The following HDX variants were observed in gnomAD, a reference collection of about 807,000 sequenced individuals.
HDX encodes chromosome X open reading frame 43.
A neutral mutation model predicts 45.2 loss-of-function variants in HDX; 19 were observed. The ratio of observed to expected loss-of-function variants is 0.42; its 90% CI spans 0.29 to 0.62. HDX has a LOEUF of 0.62. HDX is among the 20% of genes least tolerant of loss of function. The probability of loss-of-function intolerance (pLI) is 0.20; values close to 1 mark genes in which losing one functional copy is unlikely to be tolerated. For synonymous variants in HDX, 188 were observed against 172.8 expected (o/e 1.09, Z -0.69); for missense variants, 532 against 493.9 (o/e 1.08, Z -0.73).
chrX:84,344,045 ATTATTATTG>A (rs756531098), intron 7 of HDX, among the ~76,000 whole-genome samples, 196 bp downstream of exon 7: 15 of 111,497 alleles, frequency 1.3e-4, no homozygotes, highest in Non-Finnish European at 2.8e-4. Flanking sequence ...AATGTAGGAG[ATTATTATTG>A]TTGTTGATGA....
At chrX:84,459,679 A>G (rs187914261) in intron 4 of HDX, among the ~76,000 whole-genome samples, 2 of 111,091 alleles carry the variant, frequency 1.8e-5, no homozygotes, top group Non-Finnish European at 3.8e-5. Context: ...TATTAGAAAA[A>G]AAAAATAAAA....
intron 5 of HDX, among the ~76,000 whole-genome samples, chrX:84,426,049 G>A (rs2039376882): frequency 9.0e-6 from 1 of 110,777 alleles, no homozygotes; most frequent in African/African-American, 3.3e-5. Context: ...AGCATTGCAT[G>A]CCTGTATCAA....
intron 5 of HDX, among the ~76,000 whole-genome samples, chrX:84,412,368 TC>T (rs775349757): frequency 1.8e-4 from 20 of 111,775 alleles, no homozygotes; most frequent in Admixed American, 1.4e-3. Context: ...AAAAAAAAAT[TC>T]TGTATCATTT....
At chrX:84,384,057 A>G (rs2038251775) in intron 5 of HDX, among the ~76,000 whole-genome samples, 1 of 111,389 alleles carries the variant, frequency 9.0e-6, no homozygotes, top group South Asian at 3.8e-4. Flanking sequence ...TCCTTTGGGT[A>G]TATAACCCAT....
intron 5 of HDX, among the ~76,000 whole-genome samples, chrX:84,388,249 A>G: frequency 9.2e-6 from 1 of 108,910 alleles, no homozygotes; most frequent in South Asian, 4.0e-4. Flanking sequence ...TTAATTTTGC[A>G]TTGACCTTGG....
At chrX:84,485,612 G>A (rs1303773277) in intron 2 of HDX, among the ~76,000 whole-genome samples, 1 of 111,511 alleles carries the variant, frequency 9.0e-6, no homozygotes, top group Non-Finnish European at 1.9e-5. Context: ...TGGCCAGGCT[G>A]GTCTTGAACT....
rs779701112 is a variant in HDX at position 84,427,062 on chromosome X, C to T, written c.1305+13470G>A. ...TTATAATTTTTAAGATAGTAGCTTT[C>T]GTGTTGTGTTCTTACCAGAATTTAT... On this transcript the variant is annotated intron_variant, in intron 5 of 10. Coordinates refer to ENST00000373177, the MANE Select transcript of HDX (RefSeq NM_001177479.2). Among the ~76,000 whole-genome samples, 3 of 110,621 alleles carry T rather than the reference C, an allele frequency of 2.7e-5. No homozygotes were observed. The South Asian group carries it at 1.1e-3, about 42-fold the overall frequency.
rs1398151973 is a variant in HDX at position 84,400,235 on chromosome X, G to A, written c.1306-38623C>T. On this transcript the variant is annotated intron_variant, in intron 5 of 10. Transcript: ENST00000373177. ...CAATCAAGCAAGAGAAAAAAATAAA[G>A]GGCATTCAAATAGAAAGGAAGTCAA... Among the ~76,000 whole-genome samples, 7 of 109,671 alleles carry A rather than the reference G, an allele frequency of 6.4e-5. No individual in the cohort carries two copies. The Admixed American group carries it at 6.9e-4, about 11-fold the overall frequency.
chrX:84,428,154 A>G (rs1168158413), intron 5 of HDX, among the ~76,000 whole-genome samples: 2 of 109,720 alleles, frequency 1.8e-5, no homozygotes, highest in Non-Finnish European at 3.8e-5. Flanking sequence ...AGTTTTGAGT[A>G]TTCTTTGTAT....
intron 5 of HDX, among the ~76,000 whole-genome samples, chrX:84,374,544 A>G (rs1300720986): frequency 2.0e-5 from 2 of 97,986 alleles, no homozygotes; most frequent in African/African-American, 7.9e-5. Flanking sequence ...ACAGCATGGG[A>G]CTGGTACCAA....
intron 5 of HDX, among the ~76,000 whole-genome samples, chrX:84,405,003 G>A (rs1181186182): frequency 9.0e-6 from 1 of 110,748 alleles, no homozygotes; most frequent in African/African-American, 3.3e-5. Flanking sequence ...TCATTGAGTT[G>A]AAATTTTACC....
intron 4 of HDX, among the ~76,000 whole-genome samples, chrX:84,455,507 A>G (rs913666751): frequency 8.9e-6 from 1 of 111,894 alleles, no homozygotes; most frequent in East Asian, 2.8e-4. Context: ...GAGACATGCT[A>G]TTTGAAAATA....
chrX:84,358,742 A>T lies in HDX; in HGVS notation c.1452+2724T>A, dbSNP rs1336093911. On this transcript the variant is annotated intron_variant, in intron 6 of 10. Coordinates refer to ENST00000373177, the MANE Select transcript of HDX (RefSeq NM_001177479.2). ...GCTCTTTTCTTCATATATATATGAG[A>T]TAAGAGCTGGAGTCTCATTAGGTTG... Among the ~76,000 whole-genome samples the T allele has an allele frequency of 3.2e-4, 36 of 112,047 alleles. No homozygotes were observed. In the Admixed American group the frequency reaches 3.4e-3, roughly 11 times the overall value.
chrX:84,471,153 T>A (rs907588309), intron 3 of HDX, among the ~76,000 whole-genome samples: 16 of 110,789 alleles, frequency 1.4e-4, no homozygotes, highest in African/African-American at 5.2e-4. Flanking sequence ...TTACTGTACA[T>A]CTTATACAAT....
chrX:84,419,658 T>C (rs968316054), intron 5 of HDX, among the ~76,000 whole-genome samples: 3 of 111,859 alleles, frequency 2.7e-5, no homozygotes, highest in Non-Finnish European at 5.6e-5. Flanking sequence ...CCCTGGGGCC[T>C]TTAGAAAACA....
intron 5 of HDX, among the ~76,000 whole-genome samples, chrX:84,422,121 A>G (rs942529145): frequency 2.7e-5 from 3 of 112,057 alleles, no homozygotes; most frequent in Non-Finnish European, 5.6e-5. Context: ...ATCATTCTCA[A>G]GAACAGCCAT....
chrX:84,326,102 A>G, intron 10 of HDX, 76 bp downstream of exon 10: 1 of 951,204 alleles, frequency 1.1e-6, no homozygotes, highest in South Asian at 2.1e-5. Flanking sequence ...AAATGAAAAC[A>G]TATGAAGAAC....
intron 2 of HDX, among the ~76,000 whole-genome samples, chrX:84,479,072 A>G (rs2040614938): frequency 8.9e-6 from 1 of 111,941 alleles, no homozygotes; most frequent in African/African-American, 3.2e-5. Flanking sequence ...ATCCATTATT[A>G]TTATTCACTT....
intron 5 of HDX, among the ~76,000 whole-genome samples, chrX:84,388,518 T>G (rs1454132506): frequency 8.9e-6 from 1 of 112,092 alleles, no homozygotes; most frequent in African/African-American, 3.2e-5. Context: ...TTCTCTTTAT[T>G]TTTTGTCTGA....
Sources: gnomAD v4.1 joint callset for allele counts (sites outside exome capture counted in the v4.1 genomes callset) on GRCh38, gnomAD v4.1.1 for gene constraint, MANE v1.5 for transcripts, NCBI Gene and HGNC (gene_info 2026-07-23, HGNC 2026-07-21) for gene names.